Variants in PDE4D observed in about 807,000 individuals in gnomAD.
PDE4D encodes the protein 3',5'-cyclic-AMP phosphodiesterase 4D.
A neutral mutation model predicts 87.4 loss-of-function variants in PDE4D; 24 were observed. The ratio of observed to expected loss-of-function variants is 0.27; its 90% CI spans 0.20 to 0.39. PDE4D has a LOEUF of 0.39. PDE4D is among the 10% of genes least tolerant of loss of function. The probability of loss-of-function intolerance (pLI) is 1.00; values close to 1 mark genes in which losing one functional copy is unlikely to be tolerated. For missense variants in PDE4D, 714 were observed against 1,041.0 expected (o/e 0.69, Z 4.32); for synonymous variants, 384 against 383.2 (o/e 1.00, Z -0.02).
intron 1 of PDE4D, among the ~76,000 whole-genome samples, chr5:59,822,866 T>C (rs964265876): frequency 6.6e-5 from 10 of 152,242 alleles, no homozygotes; most frequent in African/African-American, 2.2e-4. Context: ...ACAGTCATCA[T>C]GGTCCCCCAA....
intron 1 of PDE4D, among the ~76,000 whole-genome samples, chr5:59,535,554 C>T (rs1366316148): frequency 1.3e-5 from 2 of 152,118 alleles, no homozygotes; most frequent in Non-Finnish European, 2.9e-5. Context: ...AAGCTGATAC[C>T]TATTTGGGCC....
At chr5:59,922,913 C>T (rs1754827781) in intron 3 of PDE4D, among the ~76,000 whole-genome samples, 2 of 152,074 alleles carry the variant, frequency 1.3e-5, no homozygotes, top group South Asian at 4.1e-4. Context: ...TTGGGATCTC[C>T]CATTCCAGGC....
At chr5:60,161,470 G>A (rs2149463301) in intron 2 of PDE4D, among the ~76,000 whole-genome samples, 1 of 152,204 alleles carries the variant, frequency 6.6e-6, no homozygotes, top group South Asian at 2.1e-4. Flanking sequence ...TGTTGAGTAT[G>A]AAACAACATA....
chr5:59,641,117 G>A (rs298034), intron 1 of PDE4D, among the ~76,000 whole-genome samples: 120,860 of 152,086 alleles, frequency 0.79, 48,106 homozygotes, highest in South Asian at 0.91. Context: ...CGGCTTCCTA[G>A]TTTATTTTAG....
chr5:60,145,191 T>C (rs934649820), intron 2 of PDE4D, among the ~76,000 whole-genome samples: 5 of 152,182 alleles, frequency 3.3e-5, no homozygotes, highest in Admixed American at 6.5e-5. Flanking sequence ...CTCCTTGTAA[T>C]TGTACCACTG....
chr5:60,198,286 A>C (rs564380680), intron 1 of PDE4D, among the ~76,000 whole-genome samples: 1 of 151,422 alleles, frequency 6.6e-6, no homozygotes. Context: ...TTTTTTTCTC[A>C]CTCCATTATA....
intron 1 of PDE4D, among the ~76,000 whole-genome samples, chr5:59,298,678 A>G (rs1227819277): frequency 6.6e-6 from 1 of 152,184 alleles, no homozygotes; most frequent in Non-Finnish European, 1.5e-5. Flanking sequence ...CATTTAAGAA[A>G]CATTTTCTAT....
At chr5:60,239,048 C>G (rs1204340973) in intron 1 of PDE4D, among the ~76,000 whole-genome samples, 2 of 151,976 alleles carry the variant, frequency 1.3e-5, no homozygotes, top group Non-Finnish European at 2.9e-5. Flanking sequence ...CTTCCCTGCC[C>G]ACTGGCCACA....
chr5:60,330,668 C>T (rs1430049489), intron 1 of PDE4D, among the ~76,000 whole-genome samples: 1 of 152,206 alleles, frequency 6.6e-6, no homozygotes, highest in East Asian at 1.9e-4. Flanking sequence ...CTTCTTGAAT[C>T]ACCTTAATAC....
chr5:59,129,721 T>A (rs1052352041), intron 5 of PDE4D, among the ~76,000 whole-genome samples: 1 of 152,168 alleles, frequency 6.6e-6, no homozygotes, highest in Non-Finnish European at 1.5e-5. Flanking sequence ...TAGACGTGCA[T>A]CACATTCTGG....
intron 3 of PDE4D, among the ~76,000 whole-genome samples, chr5:59,978,581 T>C (rs1561936709): frequency 6.6e-6 from 1 of 152,218 alleles, no homozygotes; most frequent in Admixed American, 6.5e-5. Flanking sequence ...GCTGTGAACA[T>C]TGTTGAAATG....
intron 1 of PDE4D, among the ~76,000 whole-genome samples, chr5:59,640,713 T>C (rs1180797079): frequency 6.6e-6 from 1 of 152,172 alleles, no homozygotes; most frequent in African/African-American, 2.4e-5. Flanking sequence ...ACTGCACAAA[T>C]CCTGCCTGAT....
intron 5 of PDE4D, among the ~76,000 whole-genome samples, chr5:59,173,068 T>C (rs1018030058): frequency 1.3e-5 from 2 of 152,176 alleles, no homozygotes; most frequent in Non-Finnish European, 2.9e-5. Context: ...AGAGGAAAGC[T>C]GGGTTTTTAA....
intron 1 of PDE4D, among the ~76,000 whole-genome samples, chr5:59,402,490 G>T (rs1790833621): frequency 6.6e-6 from 1 of 152,114 alleles, no homozygotes. Flanking sequence ...CCAATAAAGA[G>T]CACGACAAGT....
intron 1 of PDE4D, among the ~76,000 whole-genome samples, chr5:60,387,295 C>T (rs1762253637): frequency 6.6e-6 from 1 of 152,198 alleles, no homozygotes. Flanking sequence ...GTTTTGCTGA[C>T]CTCATAAGAA....
intron 3 of PDE4D, among the ~76,000 whole-genome samples, chr5:59,954,693 T>C (rs1455784823): frequency 1.3e-5 from 2 of 152,140 alleles, no homozygotes; most frequent in African/African-American, 4.8e-5. Flanking sequence ...ATCCCTACCA[T>C]GTCAGGTAAG....
chr5:60,435,439 T>C (rs1287868885), intron 1 of PDE4D, among the ~76,000 whole-genome samples: 1 of 152,126 alleles, frequency 6.6e-6, no homozygotes, highest in East Asian at 1.9e-4. Context: ...TGTTTGGCTT[T>C]TTTATTTTTA....
chr5:60,460,547 C>A, intron 1 of PDE4D: 1 of 1,381,854 alleles, frequency 7.2e-7, no homozygotes, highest in South Asian at 1.2e-5. Flanking sequence ...TTCAAAATCT[C>A]CTCACTGGCT....
At chr5:59,525,475 G>C (rs544791818) in intron 1 of PDE4D, among the ~76,000 whole-genome samples, 1 of 152,298 alleles carries the variant, frequency 6.6e-6, no homozygotes, top group East Asian at 1.9e-4. Context: ...GCTTTTACAG[G>C]CTCATAGACA....
Sources: allele counts gnomAD v4.1 joint callset (sites outside exome capture counted in the v4.1 genomes callset), GRCh38; gene constraint gnomAD v4.1.1; transcripts MANE v1.5; gene names NCBI Gene and HGNC (gene_info 2026-07-23, HGNC 2026-07-21).